The following UNC13C variants were observed in gnomAD, a reference collection of about 807,000 sequenced individuals.
The protein encoded by UNC13C is protein unc-13 homolog C.
UNC13C carries 174 observed loss-of-function variants against 245.4 expected under a neutral mutation model. That is an observed-to-expected ratio of 0.71 (90% CI 0.63 to 0.80). The LOEUF is 0.80. Ranked by LOEUF, UNC13C falls within the 30% of genes least tolerant of loss-of-function variation. The probability of loss-of-function intolerance (pLI) is 0.00; values close to 1 mark genes in which losing one functional copy is unlikely to be tolerated. For missense variants in UNC13C, 2,829 were observed against 2,602.9 expected, an observed-to-expected ratio of 1.09 and a Z score of -1.89; for synonymous variants, 992 against 895.1, an observed-to-expected ratio of 1.11 and a Z score of -1.93.
chr15:54,015,491 A>C lies in UNC13C; in HGVS notation c.2588A>C (p.Asp863Ala). Residue 863 changes from aspartate to alanine, a missense_variant, in exon 2 of 33, where the codon GAT (aspartate) becomes GCT (alanine). Physicochemically the swap from Asp to Ala is moderately radical, Grantham distance 126. Coordinates refer to ENST00000260323, the MANE Select transcript of UNC13C (RefSeq NM_001080534.3). ...GAGCCCTATTACTATAAAGCAGAGG[A>C]TGAGGAAGATTATACTGAACCAGTG... ...YTEPYYYKAE[D>A]EEDYTEPVAD... The C allele has an allele frequency of 6.2e-7, 1 of 1,612,876 alleles. No homozygotes were observed.
At chr15:54,306,018 G>A (rs747991390) in intron 13 of UNC13C, among the ~76,000 whole-genome samples, 1 of 152,058 alleles carries the variant, frequency 6.6e-6, no homozygotes, top group South Asian at 2.1e-4. Flanking sequence ...ATAAGGGGAA[G>A]TATGTTTTAA....
At chr15:54,169,777 C>G (rs1231621482) in intron 4 of UNC13C, among the ~76,000 whole-genome samples, 1 of 152,152 alleles carries the variant, frequency 6.6e-6, no homozygotes, top group African/African-American at 2.4e-5. Context: ...TACATCTCTG[C>G]TAAGGGGACC....
the UNC13C span, among the ~76,000 whole-genome samples, chr15:53,888,086 G>A: frequency 1.3e-5 from 2 of 152,182 alleles, no homozygotes; most frequent in Non-Finnish European, 2.9e-5. Flanking sequence ...GGATTGCTGG[G>A]TCAAATGGTA....
At chr15:53,909,958 T>C in the UNC13C span, among the ~76,000 whole-genome samples, 19 of 145,194 alleles carry the variant, frequency 1.3e-4, no homozygotes, top group African/African-American at 3.9e-4. Context: ...CTTTCTTTGA[T>C]GAAGTTTCTG....
intron 10 of UNC13C, among the ~76,000 whole-genome samples, chr15:54,279,506 A>G (rs2036922217): frequency 6.6e-6 from 1 of 152,138 alleles, no homozygotes; most frequent in Non-Finnish European, 1.5e-5. Context: ...TGGTGTTCAG[A>G]TAAAGTCTGT....
chr15:54,200,445 C>G (rs766577246), intron 4 of UNC13C, among the ~76,000 whole-genome samples: 2 of 151,968 alleles, frequency 1.3e-5, no homozygotes, highest in Non-Finnish European at 2.9e-5. Context: ...GAACAAGTCT[C>G]AGTACATTTA....
intron 1 of UNC13C, among the ~76,000 whole-genome samples, chr15:53,994,040 AT>A (rs1234903261): frequency 1.3e-5 from 2 of 151,938 alleles, no homozygotes; most frequent in Admixed American, 6.6e-5. Flanking sequence ...TCTTCCTATT[AT>A]TTCAATTACA....
At chr15:54,232,547 A>G (rs776157115) in intron 4 of UNC13C, among the ~76,000 whole-genome samples, 1 of 152,158 alleles carries the variant, frequency 6.6e-6, no homozygotes, top group Non-Finnish European at 1.5e-5. Flanking sequence ...CATGGAAAGG[A>G]AACCATAAAA....
At chr15:54,096,471 A>G (rs538503246) in intron 2 of UNC13C, among the ~76,000 whole-genome samples, 45 of 152,284 alleles carry the variant, frequency 3.0e-4, no homozygotes, top group African/African-American at 1.1e-3. Flanking sequence ...TCCCCTTAAC[A>G]GCAAAACTTA....
chr15:54,041,773 A>G (rs2141034519), intron 2 of UNC13C, among the ~76,000 whole-genome samples: 1 of 152,332 alleles, frequency 6.6e-6, no homozygotes, highest in East Asian at 1.9e-4. Flanking sequence ...ATAAAGATGG[A>G]TATCTGGTAC....
the UNC13C span, among the ~76,000 whole-genome samples, chr15:53,887,143 G>T: frequency 2.6e-5 from 4 of 152,130 alleles, no homozygotes; most frequent in Admixed American, 2.6e-4. Flanking sequence ...TAACAAATGT[G>T]CCATACTAAT....
chr15:53,852,776 TA>T, the UNC13C span, among the ~76,000 whole-genome samples: 1 of 152,196 alleles, frequency 6.6e-6, no homozygotes, highest in Non-Finnish European at 1.5e-5. Context: ...ATTTTCTATC[TA>T]TTTTTTAGTT....
intron 26 of UNC13C, 80 bp from the exon 27 acceptor site, chr15:54,546,642 C>T (rs1257447209): frequency 2.6e-6 from 2 of 772,830 alleles, no homozygotes; most frequent in Non-Finnish European, 3.7e-6. Context: ...TGGAATTTAG[C>T]ATTTGAAAAT....
At chr15:53,950,105 A>G in the UNC13C span, among the ~76,000 whole-genome samples, 1 of 152,150 alleles carries the variant, frequency 6.6e-6, no homozygotes, top group Non-Finnish European at 1.5e-5. Context: ...ATCCACATTA[A>G]CCCCAGTCAG....
chr15:54,433,608 C>A (rs188564187), intron 19 of UNC13C, among the ~76,000 whole-genome samples: 83 of 152,130 alleles, frequency 5.5e-4, no homozygotes, highest in African/African-American at 1.9e-3. Context: ...CTATTTATGA[C>A]AAACTTATAG....
rs1900643728 is a variant in UNC13C at position 54,619,217 on chromosome 15, CTG to C, written c.6107-3108_6107-3107del. On this transcript the variant is annotated intron_variant, in intron 30 of 32. Transcript: ENST00000260323. Reference sequence around the variant, plus strand: ...CTCCATGTAAATTTTGCTAAGATATCTGTATCTTTCTCCTCACTTACGTTAAT... The same window carrying C: ...CTCCATGTAAATTTTGCTAAGATATCTATCTTTCTCCTCACTTACGTTAAT... Among the ~76,000 whole-genome samples, 4 of 152,022 alleles carry C rather than the reference CTG, an allele frequency of 2.6e-5. No homozygotes were observed. The South Asian group carries it at 8.3e-4, about 31-fold the overall frequency.
At chr15:54,294,404 G>C (rs1025217207) in intron 11 of UNC13C, among the ~76,000 whole-genome samples, 1 of 152,008 alleles carries the variant, frequency 6.6e-6, no homozygotes, top group Admixed American at 6.6e-5. Context: ...ATTATTTAAT[G>C]CTATTTGACT....
chr15:53,883,737 G>A, the UNC13C span, among the ~76,000 whole-genome samples: 1 of 152,144 alleles, frequency 6.6e-6, no homozygotes, highest in Non-Finnish European at 1.5e-5. Context: ...TTTGGCTGTT[G>A]CAGAAATCTC....
rs190042019 is a variant in UNC13C at position 54,053,768 on chromosome 15, C to T, written c.2983+37882C>T. On this transcript the variant is annotated intron_variant, in intron 2 of 32. Coordinates refer to ENST00000260323, the MANE Select transcript of UNC13C (RefSeq NM_001080534.3). ...TTTATTTCTGGACCCATTAACCATCCCCACATCCCCTTTCCTACCCCCAAC... is the reference window on the plus strand; with the variant it reads ...TTTATTTCTGGACCCATTAACCATCTCCACATCCCCTTTCCTACCCCCAAC... 2.6e-5 allele frequency among the ~76,000 whole-genome samples: 4 copies of T among 152,046 alleles called. No homozygotes were observed. The East Asian group carries it at 5.8e-4, about 22-fold the overall frequency.
Sources: gnomAD v4.1 joint callset for allele counts (sites outside exome capture counted in the v4.1 genomes callset) on GRCh38, gnomAD v4.1.1 for gene constraint, MANE v1.5 for transcripts, NCBI Gene and HGNC (gene_info 2026-07-23, HGNC 2026-07-21) for gene names.